The following PCDH15 variants were observed in gnomAD, a reference collection of about 807,000 sequenced individuals.
The protein encoded by PCDH15 is protocadherin related 15.
Under a neutral mutation model 178.5 loss-of-function variants are expected in PCDH15, and 129 were observed. The observed-to-expected ratio is 0.72, with a 90% CI of 0.63 to 0.84. PCDH15 has a LOEUF of 0.84. Among genes scored for constraint, PCDH15 ranks in the 40% least tolerant of loss-of-function variants. The probability of loss-of-function intolerance (pLI) is 0.00; values close to 1 mark genes in which losing one functional copy is unlikely to be tolerated. For synonymous variants in PCDH15, 800 were observed against 732.0 expected (o/e 1.09, Z -1.50); for missense variants, 2,230 against 2,099.9 (o/e 1.06, Z -1.21).
chr10:54,602,701 T>C (rs2092593262), intron 2 of PCDH15, among the ~76,000 whole-genome samples: 1 of 151,994 alleles, frequency 6.6e-6, no homozygotes, highest in South Asian at 2.1e-4. Flanking sequence ...GACAAATATT[T>C]TTCCAGAACT....
At chr10:55,492,917 C>G (rs1177546758) in intron 2 of PCDH15, among the ~76,000 whole-genome samples, 1 of 151,542 alleles carries the variant, frequency 6.6e-6, no homozygotes, top group Non-Finnish European at 1.5e-5. Context: ...AAATATACAG[C>G]AACTAAATGA....
intron 2 of PCDH15, among the ~76,000 whole-genome samples, chr10:55,057,965 T>A (rs944964298): frequency 2.2e-4 from 33 of 152,300 alleles, no homozygotes; most frequent in Admixed American, 1.6e-3. Context: ...AGGTTTTAAA[T>A]GTTTTGTTTT....
intron 3 of PCDH15, among the ~76,000 whole-genome samples, chr10:54,416,608 T>C (rs1461785714): frequency 6.6e-6 from 1 of 152,160 alleles, no homozygotes; most frequent in African/African-American, 2.4e-5. Context: ...GTCTTTATAG[T>C]AGAATGATTT....
intron 3 of PCDH15, among the ~76,000 whole-genome samples, chr10:54,863,349 T>C (rs771453475): frequency 2.0e-5 from 3 of 152,148 alleles, no homozygotes; most frequent in Non-Finnish European, 4.4e-5. Context: ...GAGACCATCC[T>C]GGCTAACAAG....
intron 3 of PCDH15, among the ~76,000 whole-genome samples, chr10:54,470,401 G>A (rs2077826740): frequency 6.6e-6 from 1 of 152,178 alleles, no homozygotes; most frequent in African/African-American, 2.4e-5. Context: ...CTGGCTGCAG[G>A]TGGGGGAGGT....
intron 2 of PCDH15, among the ~76,000 whole-genome samples, chr10:55,151,650 C>T (rs1025284432): frequency 1.3e-5 from 2 of 152,036 alleles, no homozygotes; most frequent in African/African-American, 4.8e-5. Flanking sequence ...ATCACAGAGC[C>T]TACTCTATCA....
Position 54,630,690 on chromosome 10 carries a change from A to G in PCDH15, c.91+33482T>C, listed in dbSNP as rs145648563. Among the ~76,000 whole-genome samples, 1,235 of 152,280 alleles carry G rather than the reference A, an allele frequency of 8.1e-3. 19 individuals are homozygous for G. The highest frequency in any genetic ancestry group is 0.028 in the African/African-American group (1,176 of 41,584). Reference sequence around the variant, plus strand: ...GACCCTAAAGAGCTTCTGTACCTCAAAATAAACTATCAACAGAGTAAACAG... The same window carrying G: ...GACCCTAAAGAGCTTCTGTACCTCAGAATAAACTATCAACAGAGTAAACAG... On this transcript the variant is annotated intron_variant, in intron 2 of 37. Coordinates refer to ENST00000644397, the MANE Select transcript of PCDH15 (RefSeq NM_001384140.1).
Position 53,822,807 on chromosome 10 carries a change from C to CTTAT in PCDH15, c.4368-2581_4368-2578dup, listed in dbSNP as rs780945310. The CTTAT allele has an allele frequency of 3.7e-6, 6 of 1,613,964 alleles. No individual in the cohort carries two copies. Among genetic ancestry groups the CTTAT allele is most frequent in the Middle Eastern group, 1.6e-4 (1 of 6,062 alleles). On this transcript the variant is annotated intron_variant, in intron 32 of 37. Transcript: ENST00000644397. ...TTCTATCATCAGTGTTTCACCTTGC[C>CTTAT]TTATTTCCTCTTTCTCTGTCAAATT...
chr10:54,035,111 A>G (rs777534247), intron 18 of PCDH15, among the ~76,000 whole-genome samples: 2 of 151,880 alleles, frequency 1.3e-5, no homozygotes, highest in Non-Finnish European at 2.9e-5. Flanking sequence ...GAATGTTTTC[A>G]ATGACATGTT....
intron 2 of PCDH15, among the ~76,000 whole-genome samples, chr10:54,612,561 T>C (rs917376973): frequency 2.0e-5 from 3 of 151,736 alleles, no homozygotes; most frequent in African/African-American, 7.2e-5. Flanking sequence ...AGATGGCAAC[T>C]TTACAGAAAA....
At chr10:55,257,385 C>T (rs572966018) in intron 1 of PCDH15, among the ~76,000 whole-genome samples, 3 of 152,174 alleles carry the variant, frequency 2.0e-5, no homozygotes, top group South Asian at 2.1e-4. Flanking sequence ...ATGACTTTGA[C>T]GAGTTGAGAG....
chr10:53,961,933 T>C (rs771702274), intron 21 of PCDH15, 41 bp from the exon 22 acceptor site: 7 of 1,506,682 alleles, frequency 4.6e-6, no homozygotes, highest in Non-Finnish European at 6.4e-6. Context: ...TGTTACCAAG[T>C]TAAAACACAG....
chr10:54,075,764 T>G (rs910197431), intron 17 of PCDH15, among the ~76,000 whole-genome samples: 4 of 152,166 alleles, frequency 2.6e-5, no homozygotes, highest in African/African-American at 9.7e-5. Context: ...ACCAATTAAG[T>G]GAAAGTTTAT....
intron 3 of PCDH15, among the ~76,000 whole-genome samples, chr10:54,870,752 CT>C (rs928831874): frequency 2.8e-4 from 42 of 151,774 alleles, no homozygotes; most frequent in African/African-American, 9.7e-4. Context: ...CACCACTGCA[CT>C]CTAGCCTGGG....
At chr10:54,306,766 C>G (rs917495164) in intron 8 of PCDH15, among the ~76,000 whole-genome samples, 4 of 151,302 alleles carry the variant, frequency 2.6e-5, no homozygotes, top group African/African-American at 9.7e-5. Context: ...CAGTTGCTCT[C>G]TCCCTCAAAT....
chr10:54,836,164 A>G (rs1015504531), intron 3 of PCDH15, among the ~76,000 whole-genome samples: 5 of 152,200 alleles, frequency 3.3e-5, no homozygotes, highest in African/African-American at 1.2e-4. Context: ...AGAGAAGATA[A>G]AGAGTTAGTG....
At chr10:54,160,917 G>A (rs1320007275) in intron 13 of PCDH15, among the ~76,000 whole-genome samples, 2 of 152,190 alleles carry the variant, frequency 1.3e-5, no homozygotes, top group African/African-American at 4.8e-5. Flanking sequence ...GGATGTAGTG[G>A]GTGGTAAAAT....
chr10:54,684,122 T>C (rs1020170582), intron 1 of PCDH15, among the ~76,000 whole-genome samples: 1 of 152,066 alleles, frequency 6.6e-6, no homozygotes, highest in Admixed American at 6.6e-5. Flanking sequence ...GCATGTGTTA[T>C]TGTATATAAC....
intron 2 of PCDH15, among the ~76,000 whole-genome samples, chr10:54,550,476 T>G (rs2086434580): frequency 1.7e-5 from 2 of 120,972 alleles, no homozygotes; most frequent in Non-Finnish European, 3.4e-5. Context: ...CCCTGTGCCT[T>G]AGTGTATGTG....
Sources: allele counts gnomAD v4.1 joint callset (sites outside exome capture counted in the v4.1 genomes callset), GRCh38; gene constraint gnomAD v4.1.1; transcripts MANE v1.5; gene names NCBI Gene and HGNC (gene_info 2026-07-23, HGNC 2026-07-21).